SYN2: variants seen among roughly 807,000 people sequenced by gnomAD.
The protein encoded by SYN2 is synapsin-2.
In SYN2, 19 loss-of-function variants were observed where a neutral mutation model predicts 50.9. The observed-to-expected ratio is 0.37, with a 90% CI of 0.26 to 0.55. The LOEUF (loss-of-function observed/expected upper bound fraction) is 0.55, where lower values mean the gene tolerates loss of function less well. Among genes scored for constraint, SYN2 ranks in the 20% least tolerant of loss-of-function variants. The pLI is 0.81. For missense variants in SYN2, 587 were observed against 576.4 expected (o/e 1.02, Z -0.19); for synonymous variants, 255 against 224.9 (o/e 1.13, Z -1.20).
At chr3:12,119,520 T>TC (rs946867395) in intron 1 of SYN2, among the ~76,000 whole-genome samples, 5 of 152,170 alleles carry the variant, frequency 3.3e-5, no homozygotes, top group Non-Finnish European at 7.3e-5. Context: ...AGCTCCTTTT[T>TC]CCCCCCTAAC....
chr3:12,190,747 C>T lies in SYN2; in HGVS notation c.*122C>T, dbSNP rs1698430725. Reference sequence around the variant, plus strand: ...TTGACGTGTGTGGTCCCTTCCTCTGCTCTGTTGTACTAAGTGATGTTGTGC... The same window carrying T: ...TTGACGTGTGTGGTCCCTTCCTCTGTTCTGTTGTACTAAGTGATGTTGTGC... On this transcript the variant is annotated 3_prime_UTR_variant, in exon 13 of 13. Coordinates refer to ENST00000621198, the MANE Select transcript of SYN2 (RefSeq NM_133625.6). The T allele has an allele frequency of 6.8e-7, 1 of 1,465,504 alleles. No individual in the cohort carries two copies. The highest frequency in any genetic ancestry group is 1.4e-5 in the African/African-American group (1 of 70,260). The allele number at this position is 1,465,504 out of a possible 1,614,324, so 90.8% of individuals were successfully genotyped here.
chr3:12,010,796 C>T (rs1693898029), intron 1 of SYN2, among the ~76,000 whole-genome samples: 1 of 152,200 alleles, frequency 6.6e-6, no homozygotes, highest in South Asian at 2.1e-4. Context: ...AATGACTAAA[C>T]ATTTCCCGGA....
At chr3:12,160,073 GAAAA>G (rs1286802901) in intron 5 of SYN2, among the ~76,000 whole-genome samples, 2 of 131,058 alleles carry the variant, frequency 1.5e-5, no homozygotes, top group Admixed American at 7.6e-5. Flanking sequence ...AAAAGTAAAA[GAAAA>G]AACAAAGAAG....
rs924935644 is a variant in SYN2 at position 12,158,788 on chromosome 3, A to G, written c.775-2758A>G. The stretch of plus-strand genomic sequence containing the variant: ...CAGCCCCGGGGGCCGCAGCAACGCC[A>G]GCAGCCGCAGCAACAGCACCCAGCT... On this transcript the variant is annotated intron_variant, in intron 5 of 12. Coordinates refer to ENST00000621198, the MANE Select transcript of SYN2 (RefSeq NM_133625.6). 28 of 1,602,882 alleles carry G rather than the reference A, an allele frequency of 1.7e-5. No homozygotes were observed. The highest frequency in any genetic ancestry group is 2.2e-5 in the South Asian group (2 of 90,858).
At chr3:12,151,596 A>G (rs1442666556) in intron 5 of SYN2, among the ~76,000 whole-genome samples, 2 of 152,146 alleles carry the variant, frequency 1.3e-5, no homozygotes, top group Non-Finnish European at 2.9e-5. Flanking sequence ...ATCAGATCTC[A>G]CTGCTTTTGA....
chr3:12,149,504 C>G (rs1697228247), intron 4 of SYN2, among the ~76,000 whole-genome samples: 1 of 152,202 alleles, frequency 6.6e-6, no homozygotes, highest in Non-Finnish European at 1.5e-5. Flanking sequence ...ATGCACCCAG[C>G]AAGGAGAAGA....
intron 1 of SYN2, among the ~76,000 whole-genome samples, chr3:12,049,422 G>T (rs768468062): frequency 5.3e-5 from 8 of 152,052 alleles, no homozygotes; most frequent in Non-Finnish European, 1.0e-4. Context: ...GGAGGGCTGA[G>T]GCAGGAGAAT....
intron 1 of SYN2, among the ~76,000 whole-genome samples, chr3:12,036,230 G>T (rs1694495153): frequency 6.6e-6 from 1 of 152,002 alleles, no homozygotes. Flanking sequence ...TCATTCCTAT[G>T]GCTTAGCTAG....
rs760452625 is a variant in SYN2 at position 12,183,503 on chromosome 3, G to A, written c.1369+131G>A. 63 of 1,586,980 alleles carry A rather than the reference G, an allele frequency of 4.0e-5. No homozygotes were observed. The African/African-American group carries it at 7.0e-4, about 18-fold the overall frequency. On this transcript the variant is annotated intron_variant, in intron 11 of 12. Coordinates refer to ENST00000621198, the MANE Select transcript of SYN2 (RefSeq NM_133625.6). ...AGCCAAAAACAAACGAAAGGAAAGCGGGGAGGGGAAAACAGACCCTCCCAC... is the reference window on the plus strand; with the variant it reads ...AGCCAAAAACAAACGAAAGGAAAGCAGGGAGGGGAAAACAGACCCTCCCAC...
chr3:12,129,282 G>A (rs139506733), intron 1 of SYN2, among the ~76,000 whole-genome samples: 14 of 152,192 alleles, frequency 9.2e-5, no homozygotes, highest in African/African-American at 2.2e-4. Flanking sequence ...AGGGAAAGTC[G>A]TACAAAAGCC....
intron 5 of SYN2, chr3:12,154,198 T>C: frequency 2.1e-6 from 3 of 1,401,266 alleles, no homozygotes; most frequent in Non-Finnish European, 2.9e-6. Context: ...ACTGTATTGC[T>C]TTCTCATCCC....
At chr3:12,083,527 C>T (rs765923251) in intron 1 of SYN2, among the ~76,000 whole-genome samples, 3 of 152,146 alleles carry the variant, frequency 2.0e-5, no homozygotes, top group African/African-American at 7.2e-5. Flanking sequence ...TTCCTTCCTC[C>T]CAAAGTTTCT....
chr3:12,053,406 G>A (rs1395879964), intron 1 of SYN2, among the ~76,000 whole-genome samples: 2 of 152,078 alleles, frequency 1.3e-5, no homozygotes, highest in African/African-American at 4.8e-5. Context: ...GGGCAACAGT[G>A]CGAGACTTTG....
chr3:12,097,065 T>G (rs1185055205), intron 1 of SYN2, among the ~76,000 whole-genome samples: 1 of 152,196 alleles, frequency 6.6e-6, no homozygotes, highest in Non-Finnish European at 1.5e-5. Context: ...TTTTACACTG[T>G]TGGTGGGACT....
intron 7 of SYN2, among the ~76,000 whole-genome samples, chr3:12,164,490 C>G (rs1194971257): frequency 1.3e-5 from 2 of 152,192 alleles, no homozygotes; most frequent in Admixed American, 6.5e-5. Context: ...TATATTCCTG[C>G]TCTCAGAAGA....
At chr3:12,018,792 A>G (rs779494895) in intron 1 of SYN2, among the ~76,000 whole-genome samples, 1 of 152,254 alleles carries the variant, frequency 6.6e-6, no homozygotes, top group Non-Finnish European at 1.5e-5. Context: ...TGTAACAAAA[A>G]CAACAGATTT....
intron 3 of SYN2, among the ~76,000 whole-genome samples, chr3:12,143,897 C>G (rs1262502620): frequency 1.3e-5 from 2 of 152,172 alleles, no homozygotes; most frequent in Non-Finnish European, 2.9e-5. Flanking sequence ...AATTTACATT[C>G]CCACCAACGA....
intron 1 of SYN2, among the ~76,000 whole-genome samples, chr3:12,052,730 G>A (rs183432019): frequency 3.9e-4 from 60 of 152,296 alleles, no homozygotes; most frequent in Admixed American, 1.1e-3. Context: ...ACCCATAGGA[G>A]CCAGCCTTGG....
chr3:12,051,796 A>G (rs1259507969), intron 1 of SYN2, among the ~76,000 whole-genome samples: 5 of 152,326 alleles, frequency 3.3e-5, no homozygotes, highest in South Asian at 2.1e-4. Flanking sequence ...GTATAACAAC[A>G]TCTGCTTCAA....
Sources: allele counts gnomAD v4.1 joint callset (sites outside exome capture counted in the v4.1 genomes callset), GRCh38; gene constraint gnomAD v4.1.1; transcripts MANE v1.5; gene names NCBI Gene and HGNC (gene_info 2026-07-23, HGNC 2026-07-21).